The following MKNK1 variants were observed in gnomAD, a reference collection of about 807,000 sequenced individuals.
The protein encoded by MKNK1 is MAPK interacting serine/threonine kinase 1, also known as MAP kinase-interacting serine/threonine-protein kinase 1.
A neutral mutation model predicts 49.3 loss-of-function variants in MKNK1; 30 were observed. The observed-to-expected ratio is 0.61, with a 90% CI of 0.46 to 0.83. The LOEUF is 0.83. Ranked by LOEUF, MKNK1 falls within the 40% of genes least tolerant of loss-of-function variation. The pLI is 0.00. For missense variants in MKNK1, 423 were observed against 524.7 expected, an observed-to-expected ratio of 0.81 and a Z score of 1.89; for synonymous variants, 176 against 201.7, an observed-to-expected ratio of 0.87 and a Z score of 1.08.
chr1:46,588,470 C>T (rs1347945330), intron 2 of MKNK1, among the ~76,000 whole-genome samples: 3 of 152,202 alleles, frequency 2.0e-5, no homozygotes, highest in South Asian at 4.1e-4. Context: ...ATACTAATTT[C>T]GCAATCATTC....
rs369251735 is a variant in MKNK1, at chr1:46,585,490, G to A, written c.-2-2161C>T. 30 of 219,412 alleles carry A rather than the reference G, an allele frequency of 1.4e-4. No homozygotes were observed. In the East Asian group the frequency reaches 2.7e-3, roughly 20 times the overall value. The allele number at this position is 219,412 out of a possible 1,614,324, so 13.6% of individuals were successfully genotyped here. ...AGGAACCATTGTCTCTCTCTCTTGCGCTGACCTTGAATGCAGTCCAGTGGC... is the reference window on the plus strand; with the variant it reads ...AGGAACCATTGTCTCTCTCTCTTGCACTGACCTTGAATGCAGTCCAGTGGC... On this transcript the variant is annotated intron_variant, in intron 2 of 12. Transcript: ENST00000371945.
intron 2 of MKNK1, among the ~76,000 whole-genome samples, chr1:46,590,063 A>G (rs888731403): frequency 2.0e-5 from 3 of 152,186 alleles, no homozygotes; most frequent in Non-Finnish European, 4.4e-5. Flanking sequence ...TCCCTCAGCC[A>G]CAAGAGCTTT....
chr1:46,566,148 C>T (rs1669022192), intron 8 of MKNK1, among the ~76,000 whole-genome samples: 1 of 152,218 alleles, frequency 6.6e-6, no homozygotes, highest in Non-Finnish European at 1.5e-5. Context: ...ATTCTTTCTT[C>T]CCCTAGCCCT....
At chr1:46,588,974 G>A (rs886765615) in intron 2 of MKNK1, among the ~76,000 whole-genome samples, 5 of 152,228 alleles carry the variant, frequency 3.3e-5, no homozygotes, top group Non-Finnish European at 5.9e-5. Flanking sequence ...TATGAAATGA[G>A]GTAAGCAGAA....
intron 4 of MKNK1, among the ~76,000 whole-genome samples, chr1:46,578,572 A>G (rs11211306): frequency 0.26 from 38,466 of 150,828 alleles, 4,947 homozygotes; most frequent in Admixed American, 0.33. Context: ...TACCGCATTT[A>G]GACAGATATA....
chr1:46,585,820 C>T (rs1201408679), intron 2 of MKNK1: 17 of 931,462 alleles, frequency 1.8e-5, no homozygotes, highest in Non-Finnish European at 2.7e-5. Flanking sequence ...CACAGCACCA[C>T]CGCACACGTA....
At chr1:46,576,705 C>T in intron 4 of MKNK1, 51 bp from the exon 5 acceptor site, 1 of 1,514,838 alleles carries the variant, frequency 6.6e-7, no homozygotes, top group Non-Finnish European at 9.2e-7. Context: ...TTCCAAACAG[C>T]CCTTTGGCAG....
In MKNK1 at chr1:46,589,279, C is replaced by G. The variant is rs12096548; in HGVS notation, c.-3+4834G>C. Reference sequence around the variant, plus strand: ...ACCCAGTTGGGTAACTAGAGGAAGACACAGCTAAGCCTCAATACCTGAGGG... The same window carrying G: ...ACCCAGTTGGGTAACTAGAGGAAGAGACAGCTAAGCCTCAATACCTGAGGG... On this transcript the variant is annotated intron_variant, in intron 2 of 12. Coordinates refer to ENST00000371945, the MANE Select transcript of MKNK1 (RefSeq NM_001135553.4). This position sits in a 1 kb window ranked among gnomAD's most constrained non-coding sequence, Gnocchi z 4.3. Among the ~76,000 whole-genome samples the G allele has an allele frequency of 0.047, 7,120 of 152,258 alleles. 186 individuals carry two copies. Among genetic ancestry groups the G allele is most frequent in the African/African-American group, 0.08 (3,309 of 41,532 alleles).
intron 2 of MKNK1, 184 bp downstream of exon 2, chr1:46,593,929 C>A: frequency 4.3e-6 from 2 of 467,710 alleles, no homozygotes; most frequent in East Asian, 3.1e-5. Flanking sequence ...CCATGTCATT[C>A]TGTAGAAATG....
At position 46,558,376 on chromosome 1, in the gene MKNK1, C is replaced by T; in HGVS notation, c.*199G>A. The T allele has an allele frequency of 1.8e-6, 1 of 557,074 alleles. No homozygotes were observed. The highest frequency in any genetic ancestry group is 3.1e-6 in the Non-Finnish European group (1 of 322,608). The allele number at this position is 557,074 out of a possible 1,614,324, so 34.5% of individuals were successfully genotyped here. A position where few individuals can be genotyped will look rare whatever the true frequency, so the allele number is the denominator to read the frequency against. On this transcript the variant is annotated 3_prime_UTR_variant, in exon 13 of 13. Transcript: ENST00000371945. ...TGATTGCTTTCCTTTTCAAAGACAA[C>T]CCCTTTGGAAAAAGCTTTTTCCTCC... is the stretch of plus-strand genomic sequence containing the variant.
intron 2 of MKNK1, among the ~76,000 whole-genome samples, chr1:46,592,908 A>C (rs937215750): frequency 4.6e-5 from 7 of 152,090 alleles, no homozygotes; most frequent in African/African-American, 1.7e-4. Context: ...ACAGGGGGAA[A>C]ATTCAGGAAG....
chr1:46,561,519 G>A lies in MKNK1; in HGVS notation c.928C>T (p.Leu310Phe). Residue 310 changes from leucine to phenylalanine, a missense_variant, in exon 11 of 13, where the codon CTT becomes TTT. Physicochemically the swap from Leu to Phe is conservative, Grantham distance 22. Coordinates refer to ENST00000371945, the MANE Select transcript of MKNK1 (RefSeq NM_001135553.4). ...KLLVRDAKQR[L>F]SAAQVLQHPW... ...TGCTGCAGAACTTGGGCGGCGCTAA[G>A]TCTCTGCTTTGCATCTCGCACCAGG... is the stretch of plus-strand genomic sequence containing the variant. 1 of 1,614,146 alleles carries A rather than the reference G, an allele frequency of 6.2e-7. No individual in the cohort carries two copies. Among genetic ancestry groups the A allele is most frequent in the Non-Finnish European group, 8.5e-7 (1 of 1,179,992 alleles).
At chr1:46,579,236 G>A (rs182307311) in intron 4 of MKNK1, among the ~76,000 whole-genome samples, 94 of 152,342 alleles carry the variant, frequency 6.2e-4, no homozygotes, top group African/African-American at 2.1e-3. Context: ...GTGGAAAGTT[G>A]GTTCAAAGAA....
At chr1:46,558,883 G>A in intron 12 of MKNK1, 83 bp from the exon 13 acceptor site, 1 of 1,200,322 alleles carries the variant, frequency 8.3e-7, no homozygotes, top group Non-Finnish European at 1.2e-6. Context: ...CCCACTTGCT[G>A]CTGTGGCTCT....
At chr1:46,590,597 C>T (rs1404047844) in intron 2 of MKNK1, among the ~76,000 whole-genome samples, 1 of 152,250 alleles carries the variant, frequency 6.6e-6, no homozygotes, top group African/African-American at 2.4e-5. Flanking sequence ...TGGTCTGGCT[C>T]AGAATTCAAG....
chr1:46,572,179 A>C lies in MKNK1; in HGVS notation c.353-12T>G, dbSNP rs935686852. On this transcript the variant is annotated splice_polypyrimidine_tract_variant and intron_variant, in intron 6 of 12. Transcript: ENST00000371945. ...GGCTAAGATGGAACCTGGGGAGCAG[A>C]GGGGACATAGAAGAATGCCTTTTTG... 3 of 1,611,652 alleles carry C rather than the reference A, an allele frequency of 1.9e-6. No individual in the cohort carries two copies. The African/African-American group carries it at 4.0e-5, about 22-fold the overall frequency.
rs1557871882 is a variant in MKNK1 at position 46,583,325 on chromosome 1, CATCTCTAGGAGAT to C, written c.-2-9_2del. Reference sequence around the variant, plus strand: ...CGATGGGAAGGGGTTCGCTACTGCCCATCTCTAGGAGATAAGAGGAGATGTAAGGGAAACATCA... The same window carrying C: ...CGATGGGAAGGGGTTCGCTACTGCCCAAGAGGAGATGTAAGGGAAACATCA... On this transcript the variant is annotated splice_acceptor_variant and splice_polypyrimidine_tract_variant and coding_sequence_variant and 5_prime_UTR_variant and intron_variant, in exon 3 of 13. Coordinates refer to ENST00000371945, the MANE Select transcript of MKNK1 (RefSeq NM_001135553.4). LOFTEE classifies it high-confidence loss of function. The C allele has an allele frequency of 6.2e-7, 1 of 1,612,396 alleles. No individual in the cohort carries two copies. The highest frequency in any genetic ancestry group is 8.5e-7 in the Non-Finnish European group (1 of 1,178,802).
intron 10 of MKNK1, 111 bp from the exon 11 acceptor site, chr1:46,561,753 T>G: frequency 8.0e-7 from 1 of 1,256,666 alleles, no homozygotes; most frequent in Non-Finnish European, 1.1e-6. Context: ...CTGCAGCTCA[T>G]GGCTTGGGGA....
At chr1:46,594,309 C>G in intron 1 of MKNK1, 29 bp from the exon 2 acceptor site, 1 of 686,942 alleles carries the variant, frequency 1.5e-6, no homozygotes, top group Non-Finnish European at 2.7e-6. Context: ...GAAAGGAAAT[C>G]AAAATGCTGA....
Sources: gnomAD v4.1 joint callset for allele counts (sites outside exome capture counted in the v4.1 genomes callset) on GRCh38, gnomAD v4.1.1 for gene constraint, Gnocchi (gnomAD v3.1) non-coding constraint, MANE v1.5 for transcripts, NCBI Gene and HGNC (gene_info 2026-07-23, HGNC 2026-07-21) for gene names.